The following TMEM63C variants were observed in gnomAD, a reference collection of about 807,000 sequenced individuals.
TMEM63C encodes transmembrane protein 63C, also known as osmosensitive cation channel TMEM63C.
In TMEM63C, 32 loss-of-function variants were observed where a neutral mutation model predicts 99.2. The observed-to-expected ratio is 0.32, with a 90% CI of 0.24 to 0.43. The LOEUF (loss-of-function observed/expected upper bound fraction) is 0.43, where lower values mean the gene tolerates loss of function less well. Among genes scored for constraint, TMEM63C ranks in the 20% least tolerant of loss-of-function variants. The pLI, the probability that TMEM63C is intolerant of heterozygous loss-of-function variation, is 1.00. For synonymous variants in TMEM63C, 376 were observed against 397.9 expected, an observed-to-expected ratio of 0.94 and a Z score of 0.66; for missense variants, 826 against 1,053.0, an observed-to-expected ratio of 0.78 and a Z score of 2.98.
At chr14:77,251,340 G>A (rs77524835) in intron 21 of TMEM63C, among the ~76,000 whole-genome samples, 26 of 152,354 alleles carry the variant, frequency 1.7e-4, no homozygotes, top group Non-Finnish European at 3.5e-4. Flanking sequence ...ATTCCCAAAT[G>A]TAATGTAGGT....
chr14:77,199,914 G>A (rs1415501178), intron 1 of TMEM63C, among the ~76,000 whole-genome samples: 1 of 152,166 alleles, frequency 6.6e-6, no homozygotes, highest in African/African-American at 2.4e-5. Flanking sequence ...CTAAAATGTA[G>A]GTGAGAGATG....
intron 1 of TMEM63C, among the ~76,000 whole-genome samples, chr14:77,205,489 T>G (rs1888380879): frequency 6.6e-6 from 1 of 152,016 alleles, no homozygotes; most frequent in Admixed American, 6.5e-5. Flanking sequence ...AAAGAATAAG[T>G]GAGAACAGTA....
intron 22 of TMEM63C, among the ~76,000 whole-genome samples, chr14:77,252,124 A>G (rs1042814038): frequency 5.3e-5 from 8 of 151,292 alleles, no homozygotes; most frequent in Admixed American, 2.6e-4. Flanking sequence ...GCCCCCATCC[A>G]GAAGACAGCT....
At chr14:77,204,050 A>G (rs578009443) in intron 1 of TMEM63C, among the ~76,000 whole-genome samples, 17 of 152,354 alleles carry the variant, frequency 1.1e-4, no homozygotes, top group African/African-American at 4.1e-4. Context: ...GCCTGCCGGC[A>G]TCTTAGCCCA....
intron 1 of TMEM63C, among the ~76,000 whole-genome samples, chr14:77,210,862 G>A (rs1420384143): frequency 2.6e-5 from 4 of 152,134 alleles, no homozygotes. Context: ...GTGGCTTTGT[G>A]CACTCTGGGG....
intron 23 of TMEM63C, 81 bp downstream of exon 23, chr14:77,253,457 C>A: frequency 3.6e-6 from 5 of 1,377,532 alleles, no homozygotes; most frequent in East Asian, 2.5e-5. Context: ...TGGGGGATGC[C>A]AGCTTTGCTG....
At chr14:77,252,901 G>T (rs1217627494) in intron 22 of TMEM63C, among the ~76,000 whole-genome samples, 3 of 152,244 alleles carry the variant, frequency 2.0e-5, no homozygotes, top group East Asian at 1.9e-4. Flanking sequence ...GGTTGGCCAG[G>T]TGTCCACTCT....
chr14:77,195,573 C>G (rs1370399889), intron 1 of TMEM63C, among the ~76,000 whole-genome samples: 1 of 152,154 alleles, frequency 6.6e-6, no homozygotes, highest in East Asian at 1.9e-4. Flanking sequence ...AAACCCTCCC[C>G]TCCTCCTGCA....
chr14:77,200,613 G>A (rs1213777103), intron 1 of TMEM63C, among the ~76,000 whole-genome samples: 2 of 152,220 alleles, frequency 1.3e-5, no homozygotes, highest in African/African-American at 4.8e-5. Context: ...CCAGAAATAG[G>A]CTTCAACCTG....
At chr14:77,236,886 C>A (rs962162855) in intron 9 of TMEM63C, among the ~76,000 whole-genome samples, 154 bp downstream of exon 9, 5 of 151,710 alleles carry the variant, frequency 3.3e-5, no homozygotes, top group African/African-American at 1.2e-4. Context: ...GGCCAAGCTT[C>A]CTCCCTTCAG....
In TMEM63C at chr14:77,246,647, A is replaced by C. The variant is rs1334427561; in HGVS notation, c.1574A>C (p.Tyr525Ser). Reference sequence around the variant, plus strand: ...CTCCGCTGGCTCTTTGACATCTACTATCTAGAGCAAGCATCCATCAGGTTC... The same window carrying C: ...CTCCGCTGGCTCTTTGACATCTACTCTCTAGAGCAAGCATCCATCAGGTTC... ...VFLRWLFDIY[Y>S]LEQASIRFQC... Residue 525 changes from tyrosine (Y) to serine (S), a missense_variant, in exon 18 of 24, where the codon TAT becomes TCT. Transcript: ENST00000298351. 1.2e-6 allele frequency: 2 copies of C among 1,613,316 alleles called. No individual in the cohort carries two copies. Among genetic ancestry groups the C allele is most frequent in the African/African-American group, 2.7e-5 (2 of 74,936 alleles).
chr14:77,212,572 C>T (rs924099857), intron 1 of TMEM63C, among the ~76,000 whole-genome samples: 3 of 152,198 alleles, frequency 2.0e-5, no homozygotes, highest in African/African-American at 7.2e-5. Flanking sequence ...TTCTTCACAC[C>T]CAAGAGCTAG....
intron 13 of TMEM63C, among the ~76,000 whole-genome samples, chr14:77,241,007 A>G (rs534193759): frequency 2.1e-5 from 3 of 145,826 alleles, no homozygotes; most frequent in South Asian, 4.3e-4. Context: ...CTGGAGTGCA[A>G]TGGCACAATC....
At position 77,219,579 on chromosome 14, in the gene TMEM63C, T is replaced by G; in HGVS notation, c.230+2T>G. ...GGCTCTGCTGATACACAATGACAGG[T>G]GAGGAGGGGTCGAGATGGGTGAGCC... On this transcript the variant is annotated splice_donor_variant, in intron 4 of 23. Coordinates refer to ENST00000298351, the MANE Select transcript of TMEM63C (RefSeq NM_020431.4). LOFTEE classifies it high-confidence loss of function. 1 of 1,613,678 alleles carries G rather than the reference T, an allele frequency of 6.2e-7. No individual in the cohort carries two copies. The highest frequency in any genetic ancestry group is 8.5e-7 in the Non-Finnish European group (1 of 1,179,782).
rs1046651955 is a variant in TMEM63C, at chr14:77,205,174, G to A, written c.-76-8272G>A. On this transcript the variant is annotated intron_variant, in intron 1 of 23. Coordinates refer to ENST00000298351, the MANE Select transcript of TMEM63C (RefSeq NM_020431.4). ...ACTGAGGGAACAACCTAGGAGGCTG[G>A]AGATGGAAGTGAGGGGGAAGTTTGA... 2.0e-5 allele frequency among the ~76,000 whole-genome samples: 3 copies of A among 152,228 alleles called. No homozygotes were observed. The East Asian group carries it at 5.8e-4, about 29-fold the overall frequency.
chr14:77,256,483 C>T (rs754695178), intron 23 of TMEM63C, 43 bp from the exon 24 acceptor site: 23 of 1,604,008 alleles, frequency 1.4e-5, no homozygotes, highest in African/African-American at 2.7e-5. Context: ...GGCCTTGCCC[C>T]CAACGTGACC....
chr14:77,238,623 A>G (rs1336205961), intron 9 of TMEM63C, 71 bp from the exon 10 acceptor site: 6 of 1,305,904 alleles, frequency 4.6e-6, no homozygotes, highest in Non-Finnish European at 6.6e-6. Flanking sequence ...CTGAGCCACC[A>G]AAAGACTGAG....
intron 7 of TMEM63C, among the ~76,000 whole-genome samples, chr14:77,232,487 C>T (rs1335432643): frequency 5.3e-5 from 8 of 152,078 alleles, no homozygotes; most frequent in South Asian, 4.1e-4. Flanking sequence ...GGGTTTTCAC[C>T]ATGTTGGCCA....
intron 2 of TMEM63C, among the ~76,000 whole-genome samples, chr14:77,217,434 G>T (rs1888608933): frequency 6.6e-6 from 1 of 152,204 alleles, no homozygotes; most frequent in Non-Finnish European, 1.5e-5. Context: ...TCCCACAAGG[G>T]AGGGATTTTT....
Sources: allele counts gnomAD v4.1 joint callset (sites outside exome capture counted in the v4.1 genomes callset), GRCh38; gene constraint gnomAD v4.1.1; transcripts MANE v1.5; gene names NCBI Gene and HGNC (gene_info 2026-07-23, HGNC 2026-07-21).